AKAP12: variants seen among roughly 807,000 people sequenced by gnomAD.
AKAP12 encodes the protein A-kinase anchoring protein 12, also known as A-kinase anchor protein 12.
In AKAP12, 32 loss-of-function variants were observed where a neutral mutation model predicts 79.9. The ratio of observed to expected loss-of-function variants is 0.40; its 90% CI spans 0.30 to 0.54. The LOEUF is 0.54. Ranked by LOEUF, AKAP12 falls within the 20% of genes least tolerant of loss-of-function variation. AKAP12 has a pLI of 0.48. For missense variants in AKAP12, 2,074 were observed against 2,177.0 expected (o/e 0.95, Z 0.94); for synonymous variants, 808 against 857.0 (o/e 0.94, Z 1.00).
At chr6:151,319,981 G>A (rs543980164) in intron 3 of AKAP12, 1 of 152,342 alleles carries the variant, frequency 6.6e-6, no homozygotes, top group African/African-American at 2.4e-5. Flanking sequence ...TTTCCTCCAA[G>A]GGCGATGCCA....
intron 2 of AKAP12, among the ~76,000 whole-genome samples, chr6:151,260,183 A>C (rs968351615): frequency 1.3e-5 from 2 of 152,198 alleles, no homozygotes; most frequent in Non-Finnish European, 2.9e-5. Flanking sequence ...GTTTTTGGGC[A>C]CTTACACATG....
chr6:151,321,528 C>CTTTTTTTTTTTTTTTTTTTT (rs1375253568), intron 3 of AKAP12, among the ~76,000 whole-genome samples: 8 of 151,212 alleles, frequency 5.3e-5, no homozygotes, highest in Non-Finnish European at 8.9e-5. Context: ...TTTCTTATTA[C>CTTTTTTTTTTTTTTTTTTTT]TTTTTATTAC....
chr6:151,249,941 C>CGTG (rs913307897), intron 2 of AKAP12, among the ~76,000 whole-genome samples: 2 of 152,102 alleles, frequency 1.3e-5, no homozygotes, highest in African/African-American at 4.8e-5. Flanking sequence ...ACATGTGGCT[C>CGTG]GTGGGCATGG....
At chr6:151,313,195 A>G (rs1777157030) in intron 3 of AKAP12, among the ~76,000 whole-genome samples, 1 of 152,182 alleles carries the variant, frequency 6.6e-6, no homozygotes, top group South Asian at 2.1e-4. Flanking sequence ...TTGGTTAGCC[A>G]GGTGTTGCCT....
chr6:151,324,462 T>C lies in AKAP12; in HGVS notation c.319+18559T>C, dbSNP rs951468328. 3.6e-5 allele frequency: 35 copies of C among 985,426 alleles called. No individual in the cohort carries two copies. In the African/African-American group the frequency reaches 5.9e-4, roughly 17 times the overall value. 61.0% of individuals were successfully genotyped at this position (985,426 alleles called of 1,614,324 possible). On this transcript the variant is annotated intron_variant, in intron 3 of 4. Coordinates refer to ENST00000402676, the MANE Select transcript of AKAP12 (RefSeq NM_005100.4). ...AACTACGTGCCATGCCAGCCAGCTC[T>C]CCTGGACTTCCATTTTTCCCTGATT... is the stretch of plus-strand genomic sequence containing the variant.
At chr6:151,278,943 A>G (rs1776344606) in intron 2 of AKAP12, among the ~76,000 whole-genome samples, 1 of 152,254 alleles carries the variant, frequency 6.6e-6, no homozygotes, top group African/African-American at 2.4e-5. Context: ...CTGGGATTAC[A>G]GGCATGAGCC....
chr6:151,329,940 C>T (rs1024729563), intron 3 of AKAP12, among the ~76,000 whole-genome samples: 3 of 152,194 alleles, frequency 2.0e-5, no homozygotes, highest in East Asian at 1.9e-4. Flanking sequence ...ACCTCTTTCT[C>T]GTTGTGAAGA....
intron 2 of AKAP12, among the ~76,000 whole-genome samples, chr6:151,247,945 T>G (rs1797107840): frequency 6.6e-6 from 1 of 152,220 alleles, no homozygotes; most frequent in Admixed American, 6.5e-5. Context: ...CTCTGTGATG[T>G]TTTTTAAATG....
At chr6:151,313,261 C>T (rs1777158898) in intron 3 of AKAP12, among the ~76,000 whole-genome samples, 2 of 152,156 alleles carry the variant, frequency 1.3e-5, no homozygotes, top group South Asian at 4.1e-4. Flanking sequence ...TTCCTAGTAA[C>T]GCTATCAAAC....
At chr6:151,327,595 C>A (rs1325782597) in intron 3 of AKAP12, among the ~76,000 whole-genome samples, 1 of 151,924 alleles carries the variant, frequency 6.6e-6, no homozygotes, top group Non-Finnish European at 1.5e-5. Context: ...ACTGAGATTC[C>A]TATGGTAAAA....
chr6:151,273,217 A>T (rs1289193739), intron 2 of AKAP12, among the ~76,000 whole-genome samples: 1 of 152,326 alleles, frequency 6.6e-6, no homozygotes, highest in East Asian at 1.9e-4. Context: ...CAGGCTGGAC[A>T]TTCTTAGCAA....
chr6:151,259,735 C>G (rs947324415), intron 2 of AKAP12, among the ~76,000 whole-genome samples: 2 of 151,598 alleles, frequency 1.3e-5, no homozygotes, highest in African/African-American at 4.9e-5. Context: ...TGCCACCATG[C>G]CCAGCTAATT....
chr6:151,240,876 C>A, intron 2 of AKAP12, 152 bp downstream of exon 2: 1 of 776,512 alleles, frequency 1.3e-6, no homozygotes, highest in Non-Finnish European at 1.7e-6. Flanking sequence ...TCTTTGGAGG[C>A]TTTTCAGGGT....
At chr6:151,338,170 T>C (rs1390539698) in intron 3 of AKAP12, among the ~76,000 whole-genome samples, 12 of 152,240 alleles carry the variant, frequency 7.9e-5, no homozygotes, top group Admixed American at 7.8e-4. Context: ...CAGTTATCAA[T>C]ATCATACATT....
Position 151,350,107 on chromosome 6 carries a change from G to A in AKAP12, c.1716G>A (p.Glu572=). ...KGESSASSPE[E]PEEITCLEKG... ...AGAGCTCTGCCTCATCCCCTGAGGA[G>A]CCCGAGGAGATCACGTGTCTGGAAA... The change falls in exon 4 of 5, where the codon GAG becomes GAA. Residue 572 remains glutamate (E), a synonymous_variant. Transcript: ENST00000402676. This position sits in a 1 kb window ranked among gnomAD's most constrained non-coding sequence, Gnocchi z 4.8. 6.2e-7 allele frequency: 1 copy of A among 1,614,056 alleles called. No individual in the cohort carries two copies. The highest frequency in any genetic ancestry group is 8.5e-7 in the Non-Finnish European group (1 of 1,180,008).
chr6:151,320,837 C>T (rs1012783772), intron 3 of AKAP12, among the ~76,000 whole-genome samples: 1 of 152,094 alleles, frequency 6.6e-6, no homozygotes, highest in African/African-American at 2.4e-5. Context: ...GCACAAAGTT[C>T]TTTTTTAAAG....
intron 3 of AKAP12, chr6:151,324,477 T>C: frequency 1.0e-6 from 1 of 985,460 alleles, no homozygotes; most frequent in Non-Finnish European, 1.2e-6. Context: ...GACTTCCATT[T>C]TTCCCTGATT....
chr6:151,250,414 G>T (rs1318778284), intron 2 of AKAP12, among the ~76,000 whole-genome samples: 2 of 151,704 alleles, frequency 1.3e-5, no homozygotes, highest in Admixed American at 6.6e-5. Context: ...CAGGAGAATC[G>T]CTTGAACACG....
chr6:151,337,524 A>AAAAAAAAAAAAAAG (rs535027217), intron 3 of AKAP12, among the ~76,000 whole-genome samples: 22 of 129,768 alleles, frequency 1.7e-4, no homozygotes, highest in African/African-American at 6.9e-4. Flanking sequence ...AAAAAAAAAA[A>AAAAAAAAAAAAAAG]AAAGAAAGAA....
Sources: allele counts gnomAD v4.1 joint callset (sites outside exome capture counted in the v4.1 genomes callset), GRCh38; gene constraint gnomAD v4.1.1; non-coding constraint Gnocchi (gnomAD v3.1); transcripts MANE v1.5; gene names NCBI Gene and HGNC (gene_info 2026-07-23, HGNC 2026-07-21).